The following DAP3 variants were observed in gnomAD, a reference collection of about 807,000 sequenced individuals.
The protein encoded by DAP3 is small ribosomal subunit protein mS29.
In DAP3, 28 loss-of-function variants were observed where a neutral mutation model predicts 51.9. That is an observed-to-expected ratio of 0.54 (90% confidence interval 0.40 to 0.74). DAP3 has a LOEUF of 0.74. Among genes scored for constraint, DAP3 ranks in the 30% least tolerant of loss-of-function variants. The probability of loss-of-function intolerance (pLI) is 0.00; values close to 1 mark genes in which losing one functional copy is unlikely to be tolerated. For missense variants in DAP3, 458 were observed against 483.5 expected, an observed-to-expected ratio of 0.95 and a Z score of 0.49; for synonymous variants, 170 against 170.3, an observed-to-expected ratio of 1.00 and a Z score of 0.01.
intron 4 of DAP3, 27 bp from the exon 5 acceptor site, chr1:155,725,355 C>G (rs1478406784): frequency 6.2e-7 from 1 of 1,608,378 alleles, no homozygotes; most frequent in Non-Finnish European, 8.5e-7. Context: ...CACCCACCCA[C>G]TCTTTCCTTC....
At chr1:155,688,647 C>A (rs570422110), upstream of DAP3, 16 of 1,534,302 alleles carry the variant, frequency 1.0e-5, no homozygotes, top group Admixed American at 1.8e-4. Context: ...CAGCGCAGGC[C>A]CTCACGCGTA....
At chr1:155,713,967 A>G (rs1657024905) in intron 2 of DAP3, among the ~76,000 whole-genome samples, 1 of 152,194 alleles carries the variant, frequency 6.6e-6, no homozygotes, top group Admixed American at 6.6e-5. Context: ...AAAGAGAATT[A>G]CTTTTGACTG....
rs1660016439 is a variant in DAP3, at chr1:155,738,315, G to C, written c.*73G>C. On this transcript the variant is annotated 3_prime_UTR_variant, in exon 13 of 13. Transcript: ENST00000368336. The stretch of plus-strand genomic sequence containing the variant: ...TGGACCCAGTAAGATGAGGAAGTCG[G>C]GCAGTACACAGGAAGAGGAGCCAGG... 6.5e-7 allele frequency: 1 copy of C among 1,548,830 alleles called. No homozygotes were observed. The highest frequency in any genetic ancestry group is 8.8e-7 in the Non-Finnish European group (1 of 1,130,120).
intron 2 of DAP3, among the ~76,000 whole-genome samples, chr1:155,714,826 CAT>C (rs375904165): frequency 1.8e-4 from 28 of 152,206 alleles, no homozygotes; most frequent in African/African-American, 5.5e-4. Context: ...ATGTTAGACA[CAT>C]AATTTAGGAT....
intron 1 of DAP3, among the ~76,000 whole-genome samples, chr1:155,700,079 G>A (rs1320194034): frequency 2.6e-5 from 4 of 152,156 alleles, no homozygotes; most frequent in Non-Finnish European, 5.9e-5. Flanking sequence ...TGGGACTATA[G>A]GCGTGCACCA....
intron 1 of DAP3, among the ~76,000 whole-genome samples, chr1:155,694,819 C>T (rs904934705): frequency 5.3e-5 from 8 of 152,168 alleles, no homozygotes; most frequent in Admixed American, 2.6e-4. Context: ...TTCCACCACA[C>T]AGGTTTTCCT....
At chr1:155,706,584 T>A (rs1656003722) in intron 1 of DAP3, among the ~76,000 whole-genome samples, 1 of 151,824 alleles carries the variant, frequency 6.6e-6, no homozygotes, top group Admixed American at 6.6e-5. Context: ...CTGGCCAACA[T>A]GGTGAAACCC....
chr1:155,691,928 C>T (rs146554560), intron 1 of DAP3, among the ~76,000 whole-genome samples: 1,766 of 141,482 alleles, frequency 0.012, 89 homozygotes, highest in Non-Finnish European at 0.019. Context: ...AGGTGGGAGC[C>T]AGGGGGCCAG....
chr1:155,702,151 T>TAAAAAAAAA (rs71080722), intron 1 of DAP3, among the ~76,000 whole-genome samples: 31 of 101,656 alleles, frequency 3.0e-4, no homozygotes, highest in East Asian at 1.4e-3. Context: ...ATTCTGCCTA[T>TAAAAAAAAA]AAAAAAAAAA....
intron 7 of DAP3, 23 bp downstream of exon 7, chr1:155,727,761 A>G: frequency 2.5e-6 from 4 of 1,611,268 alleles, no homozygotes; most frequent in Non-Finnish European, 3.4e-6. Flanking sequence ...CCAGAAGTTG[A>G]GTGCTAGGTA....
intron 12 of DAP3, among the ~76,000 whole-genome samples, chr1:155,737,749 A>T (rs368650805): frequency 7.3e-5 from 11 of 150,502 alleles, no homozygotes; most frequent in African/African-American, 2.4e-4. Context: ...ATATAGTGAG[A>T]CCCCATCTCT....
At position 155,689,287 on chromosome 1, in the gene DAP3, T is replaced by A. The variant is rs1571395149; in HGVS notation, c.-8+113T>A. On this transcript the variant is annotated intron_variant, in intron 1 of 12. Transcript: ENST00000368336. ...AGACCGGCGCGCCTCCGGGGGGGAT[T>A]CCTCCCGGGCGTTGAGTTGCCAACC... is the stretch of plus-strand genomic sequence containing the variant. 35 of 637,000 alleles carry A rather than the reference T, an allele frequency of 5.5e-5. 1 individual carries two copies. The highest frequency in any genetic ancestry group is 4.2e-4 in the South Asian group (28 of 66,178). 39.5% of individuals were successfully genotyped at this position (637,000 alleles called of 1,614,324 possible). A position where few individuals can be genotyped will look rare whatever the true frequency, so the allele number is the denominator to read the frequency against.
intron 2 of DAP3, among the ~76,000 whole-genome samples, chr1:155,714,840 A>T (rs16836999): frequency 0.026 from 3,948 of 152,304 alleles, 172 homozygotes; most frequent in African/African-American, 0.088. Context: ...ATTTAGGATC[A>T]TGTCATAAAA....
At chr1:155,723,368 G>A (rs796802507) in intron 4 of DAP3, among the ~76,000 whole-genome samples, 6 of 151,902 alleles carry the variant, frequency 3.9e-5, no homozygotes, top group South Asian at 2.1e-4. Context: ...CACTTTTGTC[G>A]CCCAGGCTGG....
At chr1:155,729,000 G>C in intron 7 of DAP3, 42 bp from the exon 8 acceptor site, 1 of 1,605,002 alleles carries the variant, frequency 6.2e-7, no homozygotes, top group Non-Finnish European at 8.5e-7. Flanking sequence ...CTTAGGCCAA[G>C]TAGCCTTTTT....
At chr1:155,709,382 G>A (rs917648061) in intron 1 of DAP3, among the ~76,000 whole-genome samples, 17 of 152,118 alleles carry the variant, frequency 1.1e-4, no homozygotes, top group Admixed American at 9.8e-4. Context: ...CTGGGCTCAA[G>A]CAATCCACCC....
chr1:155,699,004 C>T (rs1011091927), intron 1 of DAP3, among the ~76,000 whole-genome samples: 4 of 152,106 alleles, frequency 2.6e-5, no homozygotes, highest in East Asian at 1.9e-4. Context: ...CAACACCATC[C>T]GTAGGGTACC....
chr1:155,723,747 TATC>T (rs1270410173), intron 4 of DAP3, among the ~76,000 whole-genome samples: 2 of 152,204 alleles, frequency 1.3e-5, no homozygotes, highest in African/African-American at 4.8e-5. Context: ...CTTTTAAAAA[TATC>T]AACACTGGCT....
At chr1:155,689,277 C>A (rs1390074174) in intron 1 of DAP3, 103 bp downstream of exon 1, 1 of 651,582 alleles carries the variant, frequency 1.5e-6, no homozygotes, top group African/African-American at 1.8e-5. Flanking sequence ...GGCGCGCCTC[C>A]GGGGGGGATT....
Sources: gnomAD v4.1 joint callset for allele counts (sites outside exome capture counted in the v4.1 genomes callset) on GRCh38, gnomAD v4.1.1 for gene constraint, MANE v1.5 for transcripts, NCBI Gene and HGNC (gene_info 2026-07-23, HGNC 2026-07-21) for gene names.